Variants in MBD1 observed in about 807,000 individuals in gnomAD.
MBD1 encodes the protein methyl-CpG binding domain protein 1, also known as methyl-CpG-binding domain protein 1.
Under a neutral mutation model 82.6 loss-of-function variants are expected in MBD1, and 25 were observed. The observed-to-expected ratio is 0.30, with a 90% CI of 0.22 to 0.42. The LOEUF is 0.42. MBD1 is among the 10% of genes least tolerant of loss of function. The probability of loss-of-function intolerance (pLI) is 1.00; values close to 1 mark genes in which losing one functional copy is unlikely to be tolerated. For synonymous variants in MBD1, 301 were observed against 303.7 expected (o/e 0.99, Z 0.09); for missense variants, 627 against 819.6 (o/e 0.76, Z 2.87).
chr18:50,270,070 G>A (rs759016669), intron 16 of MBD1: 3 of 1,597,612 alleles, frequency 1.9e-6, no homozygotes, highest in Admixed American at 1.7e-5. Context: ...GAATACTGGG[G>A]TTGGGTGGTT....
In MBD1 at chr18:50,273,619, C is replaced by G. The variant is rs1232300239; in HGVS notation, c.1391G>C (p.Ser464Thr). Residue 464 changes from serine to threonine, a missense_variant, in exon 12 of 17, where the codon AGC becomes ACC. By Grantham distance (58) the Ser-to-Thr change is moderately conservative. Coordinates refer to ENST00000269468, the MANE Select transcript of MBD1 (RefSeq NM_015846.4). Reference protein sequence around the residue: ...TDLVFLREGASSPVQVPGPVA... With the variant: ...TDLVFLREGATSPVQVPGPVA... ...AGGGCCCGGCACCTGCACAGGACTG[C>G]TTGCGCCTTCCCGTAAAAACACAAG... The G allele has an allele frequency of 4.3e-6, 7 of 1,613,508 alleles. No homozygotes were observed.
chr18:50,268,928 G>T lies in MBD1; in HGVS notation c.*923C>A. On this transcript the variant is annotated 3_prime_UTR_variant, in exon 17 of 17. Transcript: ENST00000269468. Reference sequence around the variant, plus strand: ...AACTAAATTATTTCCAATTCCTACTGTGCCCCAAACAAGGTTCACAAAAGG... The same window carrying T: ...AACTAAATTATTTCCAATTCCTACTTTGCCCCAAACAAGGTTCACAAAAGG... 1.0e-6 allele frequency: 1 copy of T among 984,906 alleles called. No individual in the cohort carries two copies. The allele number at this position is 984,906 out of a possible 1,614,324, so 61.0% of individuals were successfully genotyped here. A position where few individuals can be genotyped will look rare whatever the true frequency, so the allele number is the denominator to read the frequency against.
chr18:50,267,415 C>T (rs796461523), downstream of MBD1: 26 of 548,146 alleles, frequency 4.7e-5, no homozygotes, highest in African/African-American at 4.3e-4. Flanking sequence ...AGGGCTTAGA[C>T]TCAGGATATC....
Position 50,269,213 on chromosome 18 carries a change from C to T in MBD1, c.*638G>A. 2 of 1,069,616 alleles carry T rather than the reference C, an allele frequency of 1.9e-6. No individual in the cohort carries two copies. The highest frequency in any genetic ancestry group is 2.9e-5 in the South Asian group (1 of 34,628). 66.3% of individuals were successfully genotyped at this position (1,069,616 alleles called of 1,614,324 possible). On this transcript the variant is annotated 3_prime_UTR_variant, in exon 17 of 17. Transcript: ENST00000269468. ...GGGCTTCATAGAATCTCTGTACTTG[C>T]TGGAATCACCATGAAATCCATGGTC...
chr18:50,280,064 GA>G, intron 1 of MBD1, 47 bp from the exon 2 acceptor site: 2 of 1,540,672 alleles, frequency 1.3e-6, no homozygotes, highest in Non-Finnish European at 1.7e-6. Flanking sequence ...TCTAGGAAGG[GA>G]CAACACTGTG....
At chr18:50,272,445 C>G (rs1206345430) in intron 15 of MBD1, 2 of 585,662 alleles carry the variant, frequency 3.4e-6, no homozygotes, top group Non-Finnish European at 3.1e-6. Context: ...AGTACCAAGT[C>G]TTTCCCCTAC....
chr18:50,275,782 T>C (rs1442545239), intron 7 of MBD1, 53 bp downstream of exon 7: 6 of 1,613,906 alleles, frequency 3.7e-6, no homozygotes, highest in Admixed American at 3.3e-5. Flanking sequence ...GCCAAGCCCA[T>C]GGGGGCCAGG....
chr18:50,268,373 G>A (rs913894835), downstream of MBD1, among the ~76,000 whole-genome samples: 12 of 152,244 alleles, frequency 7.9e-5, no homozygotes, highest in Admixed American at 7.8e-4. Context: ...GTCCTAGGTC[G>A]TCGAGCCCCG....
chr18:50,268,537 G>A (rs1052667017), downstream of MBD1, among the ~76,000 whole-genome samples: 1 of 152,268 alleles, frequency 6.6e-6, no homozygotes, highest in Non-Finnish European at 1.5e-5. Context: ...GCCAGGCCAG[G>A]GGTGATGGGT....
In MBD1 at chr18:50,272,902, C is replaced by T. The variant is rs745810925; in HGVS notation, c.1638G>A (p.Glu546=). Residue 546 remains glutamate, a synonymous_variant, in exon 14 of 17, where the codon GAG becomes GAA. Coordinates refer to ENST00000269468, the MANE Select transcript of MBD1 (RefSeq NM_015846.4). ...AATCATCCTTGTTCTCCTCCTTGTC[C>T]TCCTCTGGGTCAGGTGGCTCTTGCT... is the stretch of plus-strand genomic sequence containing the variant. The part of the protein sequence containing the change: ...SVKQEPPDPE[E]DKEENKDDSA... The T allele has an allele frequency of 6.2e-7, 1 of 1,614,236 alleles. No individual in the cohort carries two copies. The highest frequency in any genetic ancestry group is 1.1e-5 in the South Asian group (1 of 91,088).
intron 16 of MBD1, chr18:50,270,432 C>A: frequency 2.3e-6 from 1 of 443,244 alleles, no homozygotes; most frequent in Non-Finnish European, 4.4e-6. Context: ...GGACTCGAAG[C>A]AGGAATTCAG....
chr18:50,270,156 G>A (rs2034903198), intron 16 of MBD1: 3 of 1,598,254 alleles, frequency 1.9e-6, no homozygotes, highest in Admixed American at 3.3e-5. Flanking sequence ...TGGAATAAAG[G>A]AAGGGGTGGG....
chr18:50,268,232 TTGGGA>T (rs140134993), downstream of MBD1, among the ~76,000 whole-genome samples: 3,358 of 152,296 alleles, frequency 0.022, 125 homozygotes, highest in African/African-American at 0.077. Flanking sequence ...GAAGTACGGC[TTGGGA>T]AAATCGGCGC....
rs756742387 is a variant in MBD1, at chr18:50,272,977, C to A, written c.1585-22G>T. Reference sequence around the variant, plus strand: ...CTGCCTGGGAGAAGTAGGAAACAGGCAACCATTAGAAGGGCAGAGTTCACC... The same window carrying A: ...CTGCCTGGGAGAAGTAGGAAACAGGAAACCATTAGAAGGGCAGAGTTCACC... On this transcript the variant is annotated intron_variant, in intron 13 of 16. Coordinates refer to ENST00000269468, the MANE Select transcript of MBD1 (RefSeq NM_015846.4). 5.8e-5 allele frequency: 93 copies of A among 1,613,924 alleles called. 1 individual carries two copies. In the South Asian group the frequency reaches 1.0e-3, roughly 18 times the overall value.
intron 2 of MBD1, 37 bp from the exon 3 acceptor site, chr18:50,277,241 A>G: frequency 1.3e-6 from 2 of 1,498,130 alleles, no homozygotes; most frequent in East Asian, 2.3e-5. Context: ...ACCCAGGTGG[A>G]GCCAATGCCA....
At position 50,275,531 on chromosome 18, in the gene MBD1, T is replaced by G. The variant is rs891827670; in HGVS notation, c.792+69A>C. The G allele has an allele frequency of 1.9e-6, 3 of 1,612,470 alleles. No individual in the cohort carries two copies. In the East Asian group the frequency reaches 6.7e-5, roughly 36 times the overall value. On this transcript the variant is annotated intron_variant, in intron 8 of 16. Transcript: ENST00000269468. Reference sequence around the variant, plus strand: ...AAGACATGAGGTAGGCAAGGCCAGGTTGAAAGGAAGCAGAGGCAGCGACGA... The same window carrying G: ...AAGACATGAGGTAGGCAAGGCCAGGGTGAAAGGAAGCAGAGGCAGCGACGA...
At chr18:50,278,111 A>C (rs2038788624) in intron 2 of MBD1, among the ~76,000 whole-genome samples, 1 of 152,212 alleles carries the variant, frequency 6.6e-6, no homozygotes, top group South Asian at 2.1e-4. Flanking sequence ...ACTAACAGGC[A>C]GGTTGTGTCT....
At position 50,275,670 on chromosome 18, in the gene MBD1, G is replaced by T. The variant is rs750055363; in HGVS notation, c.722C>A (p.Pro241His). 1.9e-6 allele frequency: 3 copies of T among 1,614,084 alleles called. No homozygotes were observed. Among genetic ancestry groups the T allele is most frequent in the African/African-American group, 2.7e-5 (2 of 74,936 alleles). The change falls in exon 8 of 17, where the codon CCC becomes CAC. Residue 241 changes from proline to histidine, a missense_variant. By Grantham distance (77) the Pro-to-His change is moderately conservative (BLOSUM62 -2). This residue lies in a region of MBD1 where 228 missense variants were observed against 318.1 expected (regional missense o/e 0.72). Coordinates refer to ENST00000269468, the MANE Select transcript of MBD1 (RefSeq NM_015846.4). ...AGGGCGGGGAGGGCGAAGGCAGATG[G>T]GGCAATGGCCACAATCCTCTTGGGT... Reference protein sequence around the residue: ...CQTQEDCGHCPICLRPPRPGL... With the variant: ...CQTQEDCGHCHICLRPPRPGL...
chr18:50,281,122 C>T, intron 1 of MBD1: 2 of 1,524,262 alleles, frequency 1.3e-6, no homozygotes. Context: ...CTGATCTCCA[C>T]CATTCCTCTC....
Sources: allele counts gnomAD v4.1 joint callset (sites outside exome capture counted in the v4.1 genomes callset), GRCh38; gene constraint gnomAD v4.1.1; regional missense constraint gnomAD v4.1.1; transcripts MANE v1.5; gene names NCBI Gene and HGNC (gene_info 2026-07-23, HGNC 2026-07-21).